Variants in F5 observed in about 807,000 individuals in gnomAD.
F5 encodes coagulation factor V.
A neutral mutation model predicts 216.4 loss-of-function variants in F5; 138 were observed. The observed-to-expected ratio is 0.64, with a 90% CI of 0.56 to 0.73. F5 has a LOEUF of 0.73. F5 is among the 30% of genes least tolerant of loss of function. F5 has a pLI of 0.00. For synonymous variants in F5, 916 were observed against 930.7 expected (o/e 0.98, Z 0.29); for missense variants, 2,403 against 2,674.0 (o/e 0.90, Z 2.24).
rs1557916305 is a variant in F5 at position 169,542,514 on chromosome 1, CTT to C, written c.2574_2575del (p.Gln860ArgfsTer4). ...TCCCTTATGCTTAGCATGTTCTTGA[CTT>C]TTGAATTCTCCAGCACCAAGTGAAA... is the stretch of plus-strand genomic sequence containing the variant. On this transcript the variant is annotated frameshift_variant, in exon 13 of 25. Transcript: ENST00000367797. LOFTEE classifies it high-confidence loss of function. The C allele has an allele frequency of 6.2e-7, 1 of 1,614,102 alleles. No homozygotes were observed. Among genetic ancestry groups the C allele is most frequent in the South Asian group, 1.1e-5 (1 of 91,084 alleles).
intron 23 of F5, 102 bp from the exon 24 acceptor site, chr1:169,515,728 GT>G: frequency 2.5e-6 from 3 of 1,195,840 alleles, no homozygotes; most frequent in Non-Finnish European, 3.6e-6. Context: ...AAAGGATTTT[GT>G]TCTATCTTAT....
intron 12 of F5, among the ~76,000 whole-genome samples, chr1:169,543,449 T>G (rs766100235): frequency 6.6e-6 from 1 of 152,218 alleles, no homozygotes; most frequent in Non-Finnish European, 1.5e-5. Flanking sequence ...AAAAGGTCTT[T>G]CAGCACAGAT....
chr1:169,546,220 A>G (rs1013952956), intron 11 of F5, among the ~76,000 whole-genome samples: 9 of 151,966 alleles, frequency 5.9e-5, no homozygotes, highest in African/African-American at 2.2e-4. Flanking sequence ...CTTGGAATAG[A>G]AGATCAAACG....
intron 16 of F5, 146 bp from the exon 17 acceptor site, chr1:169,528,240 T>C: frequency 1.1e-6 from 1 of 940,126 alleles, no homozygotes; most frequent in Non-Finnish European, 1.6e-6. Context: ...AAGGGCCCTC[T>C]TGTATGTCAC....
chr1:169,550,837 G>GTGTA, intron 8 of F5, 98 bp from the exon 9 acceptor site: 1 of 844,500 alleles, frequency 1.2e-6, no homozygotes, highest in Non-Finnish European at 2.0e-6. Flanking sequence ...GATGGTGTGT[G>GTGTA]TGTATACATG....
intron 17 of F5, among the ~76,000 whole-genome samples, chr1:169,526,830 TTCTG>T (rs1436228522): frequency 7.9e-5 from 12 of 152,010 alleles, no homozygotes; most frequent in Admixed American, 6.6e-4. Context: ...ACTGAATCTC[TTCTG>T]TCTCTGATTT....
At chr1:169,521,228 C>A (rs1294261505) in intron 21 of F5, among the ~76,000 whole-genome samples, 1 of 152,134 alleles carries the variant, frequency 6.6e-6, no homozygotes, top group Admixed American at 6.5e-5. Context: ...AATGGGGAGC[C>A]TAGACTTCTA....
At chr1:169,534,020 C>T (rs577961029) in intron 14 of F5, among the ~76,000 whole-genome samples, 7 of 152,262 alleles carry the variant, frequency 4.6e-5, no homozygotes, top group East Asian at 3.9e-4. Context: ...GTGACCTAAT[C>T]GGTTATGTTA....
intron 5 of F5, among the ~76,000 whole-genome samples, chr1:169,557,749 T>A (rs1660365509): frequency 6.6e-6 from 1 of 151,932 alleles, no homozygotes; most frequent in Admixed American, 6.6e-5. Flanking sequence ...AAGGCTTGTT[T>A]TTTTTAGGAG....
chr1:169,525,167 T>C (rs1659414393), intron 18 of F5, among the ~76,000 whole-genome samples: 1 of 152,160 alleles, frequency 6.6e-6, no homozygotes, highest in Non-Finnish European at 1.5e-5. Flanking sequence ...GATTTTCTTC[T>C]GCTTTTATCT....
chr1:169,521,867 C>T (rs1237888683), intron 21 of F5, among the ~76,000 whole-genome samples: 1 of 151,934 alleles, frequency 6.6e-6, no homozygotes. Context: ...GATCTGCCCA[C>T]CTCGGCCTCC....
chr1:169,535,637 T>G (rs1445317074), intron 14 of F5, among the ~76,000 whole-genome samples: 3 of 152,202 alleles, frequency 2.0e-5, no homozygotes, highest in Non-Finnish European at 4.4e-5. Flanking sequence ...GTGTCTGGTT[T>G]TTGATTCCTG....
chr1:169,581,346 A>G (rs1421283846), intron 2 of F5, among the ~76,000 whole-genome samples: 1 of 152,196 alleles, frequency 6.6e-6, no homozygotes, highest in Non-Finnish European at 1.5e-5. Flanking sequence ...GGGAAGGAAT[A>G]TAGGCGAAGA....
intron 6 of F5, among the ~76,000 whole-genome samples, chr1:169,556,208 G>A (rs1301283150): frequency 6.6e-6 from 1 of 151,928 alleles, no homozygotes; most frequent in Non-Finnish European, 1.5e-5. Context: ...GCTAGACTTT[G>A]TGTTCATCCC....
chr1:169,586,375 G>A lies in F5; in HGVS notation c.12C>T (p.Gly4=), dbSNP rs367843391. The change falls in exon 1 of 25, where the codon GGC becomes GGT. Residue 4 remains glycine, a synonymous_variant. Coordinates refer to ENST00000367797, the MANE Select transcript of F5 (RefSeq NM_000130.5). ...CCACCAGGACCCAGAGGCGTGGGCA[G>A]CCTGGGAACATGCTTCCTTTCCTGC... MFP[G]CPRLWVLVVL... 9.3e-6 allele frequency: 15 copies of A among 1,613,390 alleles called. No individual in the cohort carries two copies. The African/African-American group carries it at 2.0e-4, about 21-fold the overall frequency.
intron 2 of F5, among the ~76,000 whole-genome samples, chr1:169,573,052 A>G (rs1035367632): frequency 7.9e-5 from 12 of 152,048 alleles, no homozygotes; most frequent in African/African-American, 2.9e-4. Context: ...GGTTCAAGCA[A>G]TTCTCCTACC....
rs116809837 is a variant in F5, at chr1:169,536,554, G to A, written c.4923C>T (p.Leu1641=). 871 of 1,613,528 alleles carry A rather than the reference G, an allele frequency of 5.4e-4. 3 individuals are homozygous for A. The African/African-American group carries it at 9.0e-3, about 17-fold the overall frequency. ...RDPRGEYEEH[L]GILGPIIRAE... ...CTCTGATAATAGGACCAAGAATTCC[G>A]AGATGCTCTTCATACTCCCCTCGAG... The change falls in exon 14 of 25, where the codon CTC becomes CTT. Residue 1641 remains leucine (L), a synonymous_variant. Transcript: ENST00000367797.
chr1:169,530,794 C>A lies in F5; in HGVS notation c.5200G>T (p.Val1734Leu), dbSNP rs751374985. Residue 1734 changes from valine to leucine, a missense_variant, in exon 15 of 25, where the codon GTG (valine) becomes TTG (leucine). Val to Leu is a conservative substitution (Grantham distance 32, BLOSUM62 1). This residue lies in a region of F5 where 659 missense variants were observed against 787.9 expected (regional missense o/e 0.84). Transcript: ENST00000367797. ...TCAATGAAAGTACCTACTGGGTTCA[C>A]AGCTGAGTAGTAGGCCCAAGCCCGA... ...ACRAWAYYSA[V>L]NPEKDIHSGL... 1 of 1,613,746 alleles carries A rather than the reference C, an allele frequency of 6.2e-7. No individual in the cohort carries two copies. The highest frequency in any genetic ancestry group is 8.5e-7 in the Non-Finnish European group (1 of 1,179,692).
rs1357916609 is a variant in F5, at chr1:169,514,246, A to G, written c.*67T>C. 6 of 1,475,846 alleles carry G rather than the reference A, an allele frequency of 4.1e-6. No individual in the cohort carries two copies. Among genetic ancestry groups the G allele is most frequent in the Non-Finnish European group, 5.7e-6 (6 of 1,054,920 alleles). The allele number at this position is 1,475,846 out of a possible 1,614,324, so 91.4% of individuals were successfully genotyped here. ...GTTAACATTTAACACAGCGTAAAAT[A>G]CATTGCCCATTCTAAATGGTTTGAG... On this transcript the variant is annotated 3_prime_UTR_variant, in exon 25 of 25. Coordinates refer to ENST00000367797, the MANE Select transcript of F5 (RefSeq NM_000130.5).
Sources: gnomAD v4.1 joint callset for allele counts (sites outside exome capture counted in the v4.1 genomes callset) on GRCh38, gnomAD v4.1.1 for gene constraint, gnomAD v4.1.1 regional missense constraint, MANE v1.5 for transcripts, NCBI Gene and HGNC (gene_info 2026-07-23, HGNC 2026-07-21) for gene names.